Variants in GPC6 observed in about 807,000 individuals in gnomAD.
The protein encoded by GPC6 is glypican-6.
GPC6 carries 14 observed loss-of-function variants against 55.2 expected under a neutral mutation model. The ratio of observed to expected loss-of-function variants is 0.25; its 90% CI spans 0.17 to 0.40. The LOEUF (loss-of-function observed/expected upper bound fraction) is 0.40. Among genes scored for constraint, GPC6 ranks in the 10% least tolerant of loss-of-function variants. The pLI, the probability that GPC6 is intolerant of heterozygous loss-of-function variation, is 1.00. For missense variants in GPC6, 641 were observed against 708.5 expected, an observed-to-expected ratio of 0.90 and a Z score of 1.08; for synonymous variants, 278 against 259.6, an observed-to-expected ratio of 1.07 and a Z score of -0.68.
chr13:93,218,863 T>A, the GPC6 span, among the ~76,000 whole-genome samples: 1 of 152,162 alleles, frequency 6.6e-6, no homozygotes, highest in Non-Finnish European at 1.5e-5. Flanking sequence ...TGGTTGGAGT[T>A]TGAGAACCTA....
chr13:93,936,725 C>T (rs934112528), intron 3 of GPC6, among the ~76,000 whole-genome samples: 7 of 152,044 alleles, frequency 4.6e-5, no homozygotes, highest in Admixed American at 2.6e-4. Flanking sequence ...TAGGGAAACT[C>T]GTAAGAAAAA....
chr13:94,319,491 C>T (rs901135389), intron 6 of GPC6, among the ~76,000 whole-genome samples: 6 of 152,182 alleles, frequency 3.9e-5, no homozygotes, highest in Admixed American at 6.5e-5. Context: ...TTTTAATATA[C>T]AATCAACCAC....
chr13:94,185,340 G>T (rs1355695467), intron 4 of GPC6, among the ~76,000 whole-genome samples: 2 of 151,696 alleles, frequency 1.3e-5, no homozygotes, highest in Non-Finnish European at 2.9e-5. Context: ...CCTGCTGTGG[G>T]GCTCAAAGTC....
chr13:93,635,029 A>G (rs1221819244), intron 2 of GPC6, among the ~76,000 whole-genome samples: 2 of 152,136 alleles, frequency 1.3e-5, no homozygotes, highest in Non-Finnish European at 2.9e-5. Flanking sequence ...GAATTATCCC[A>G]TAATCACTAA....
At chr13:93,533,114 C>T (rs551587666) in intron 1 of GPC6, among the ~76,000 whole-genome samples, 1 of 152,242 alleles carries the variant, frequency 6.6e-6, no homozygotes, top group Admixed American at 6.5e-5. Flanking sequence ...TTTATAATAC[C>T]TCTTTACACT....
intron 1 of GPC6, among the ~76,000 whole-genome samples, chr13:93,510,815 C>T (rs1490258083): frequency 1.3e-5 from 2 of 150,270 alleles, no homozygotes; most frequent in Admixed American, 1.3e-4. Flanking sequence ...GTTATTTTGT[C>T]TTTCTAAGAC....
intron 2 of GPC6, among the ~76,000 whole-genome samples, chr13:93,675,338 A>C: frequency 6.6e-6 from 1 of 152,036 alleles, no homozygotes; most frequent in Non-Finnish European, 1.5e-5. Flanking sequence ...AAAAAAAAAA[A>C]CATCTATAGT....
intron 2 of GPC6, among the ~76,000 whole-genome samples, chr13:93,591,154 C>A (rs1216008502): frequency 6.1e-4 from 41 of 67,028 alleles, no homozygotes; most frequent in African/African-American, 1.3e-3. Flanking sequence ...TCTAATAAAG[C>A]AAAAGAAAAA....
chr13:93,433,136 T>C (rs543182447), intron 1 of GPC6, among the ~76,000 whole-genome samples: 8 of 152,312 alleles, frequency 5.3e-5, no homozygotes, highest in African/African-American at 1.9e-4. Context: ...CAGTGTGGCA[T>C]TAAAATTCAG....
At chr13:93,266,523 G>C (rs1044586916) in intron 1 of GPC6, among the ~76,000 whole-genome samples, 1 of 152,050 alleles carries the variant, frequency 6.6e-6, no homozygotes, top group Non-Finnish European at 1.5e-5. Context: ...GGAGGAAAGG[G>C]AATAAATACT....
At chr13:94,313,942 T>C (rs1178645851) in intron 6 of GPC6, among the ~76,000 whole-genome samples, 1 of 152,228 alleles carries the variant, frequency 6.6e-6, no homozygotes, top group African/African-American at 2.4e-5. Flanking sequence ...TCTTTCAGAA[T>C]TCCTAGACTT....
At chr13:93,563,899 T>C (rs1238775495) in intron 2 of GPC6, among the ~76,000 whole-genome samples, 2 of 152,238 alleles carry the variant, frequency 1.3e-5, no homozygotes, top group East Asian at 3.9e-4. Context: ...TTTATTTCAA[T>C]AGGTTTTTGG....
intron 3 of GPC6, among the ~76,000 whole-genome samples, chr13:94,003,058 T>C (rs1881874131): frequency 6.6e-6 from 1 of 152,186 alleles, no homozygotes; most frequent in South Asian, 2.1e-4. Context: ...ATAATTCGCA[T>C]CTAGCTGTGA....
intron 1 of GPC6, among the ~76,000 whole-genome samples, chr13:93,523,759 C>CT (rs1338223211): frequency 6.6e-6 from 1 of 151,792 alleles, no homozygotes; most frequent in Non-Finnish European, 1.5e-5. Context: ...TTTCTTTGTT[C>CT]TTTTTTGCTT....
intron 2 of GPC6, among the ~76,000 whole-genome samples, chr13:93,729,580 G>A (rs1956093046): frequency 6.6e-6 from 1 of 152,146 alleles, no homozygotes; most frequent in Non-Finnish European, 1.5e-5. Context: ...ATCAAGAGTT[G>A]GCAGGGTTGA....
intron 6 of GPC6, among the ~76,000 whole-genome samples, chr13:94,335,704 A>C (rs1390716601): frequency 1.3e-5 from 2 of 152,324 alleles, no homozygotes; most frequent in African/African-American, 4.8e-5. Flanking sequence ...CTGTTGTTTT[A>C]TATGTGTGTG....
intron 2 of GPC6, among the ~76,000 whole-genome samples, chr13:93,822,367 G>A (rs1434378586): frequency 6.6e-6 from 1 of 152,054 alleles, no homozygotes; most frequent in Non-Finnish European, 1.5e-5. Context: ...CAATCCCAGA[G>A]GTTTGAGCAT....
At chr13:94,068,913 G>A (rs1232360404) in intron 4 of GPC6, among the ~76,000 whole-genome samples, 1 of 152,144 alleles carries the variant, frequency 6.6e-6, no homozygotes, top group Admixed American at 6.5e-5. Flanking sequence ...GCTTTTCCAG[G>A]TGCACAGTGC....
intron 3 of GPC6, among the ~76,000 whole-genome samples, chr13:93,874,699 A>G (rs1889235935): frequency 1.3e-5 from 2 of 151,092 alleles, no homozygotes; most frequent in South Asian, 4.2e-4. Flanking sequence ...TCATGGACAC[A>G]CTAAACTTGC....
Sources: allele counts gnomAD v4.1 joint callset (sites outside exome capture counted in the v4.1 genomes callset), GRCh38; gene constraint gnomAD v4.1.1; transcripts MANE v1.5; gene names NCBI Gene and HGNC (gene_info 2026-07-23, HGNC 2026-07-21).